Variants in ANKRD65 observed in about 807,000 individuals in gnomAD.
The protein encoded by ANKRD65 is ankyrin repeat domain 65.
A neutral mutation model predicts 17.2 loss-of-function variants in ANKRD65; 26 were observed. The observed-to-expected ratio is 1.51, with a 90% CI of 1.11 to 2.09. The LOEUF (loss-of-function observed/expected upper bound fraction) is 2.09. ANKRD65 is among the 30% of genes most tolerant of loss of function. ANKRD65 has a pLI of 0.00. For synonymous variants in ANKRD65, 311 were observed against 272.2 expected (o/e 1.14, Z -1.40); for missense variants, 621 against 542.2 (o/e 1.15, Z -1.44).
intron 2 of ANKRD65, 79 bp downstream of exon 2, chr1:1,420,718 C>A: frequency 7.0e-7 from 1 of 1,436,358 alleles, no homozygotes; most frequent in South Asian, 1.4e-5. Context: ...AGAAGGGACT[C>A]CTCCACCCAC....
At position 1,420,168 on chromosome 1, in the gene ANKRD65, C is replaced by A. The variant is rs1438101139; in HGVS notation, c.634G>T (p.Ala212Ser). 1 of 1,115,870 alleles carries A rather than the reference C, an allele frequency of 9.0e-7. No homozygotes were observed. The highest frequency in any genetic ancestry group is 3.6e-5 in the South Asian group (1 of 27,864). 69.1% of individuals were successfully genotyped at this position (1,115,870 alleles called of 1,614,324 possible). Reference sequence around the variant, plus strand: ...CGCAGCGCCGCCCCGCGCCCCGCAGCGGCAGCCACGAGCAGGGCGCCGTCC... The same window carrying A: ...CGCAGCGCCGCCCCGCGCCCCGCAGAGGCAGCCACGAGCAGGGCGCCGTCC... ...GLDGALLVAA[A>S]AGRGAALRFL... The change falls in exon 3 of 4, where the codon GCT becomes TCT. Residue 212 changes from alanine (A) to serine (S), a missense_variant. Coordinates refer to ENST00000537107, the MANE Select transcript of ANKRD65 (RefSeq NM_001145210.3).
chr1:1,421,052 TGCCC>T, intron 1 of ANKRD65, 47 bp from the exon 2 acceptor site: 1 of 1,537,316 alleles, frequency 6.5e-7, no homozygotes, highest in Non-Finnish European at 8.8e-7. Context: ...GCCTCTGGCC[TGCCC>T]CCAGCCGTGT....
At position 1,419,246 on chromosome 1, in the gene ANKRD65, C is replaced by A; in HGVS notation, c.1054G>T (p.Gly352Trp). 6.4e-7 allele frequency: 1 copy of A among 1,550,410 alleles called. No individual in the cohort carries two copies. Among genetic ancestry groups the A allele is most frequent in the Non-Finnish European group, 8.7e-7 (1 of 1,146,886 alleles). ...AAERGHGPTV[G>W]LLLSRGASPT... ...CTGGCCCCTCGGCTCAGCAGAAGCC[C>A]CACGGTAGGCCCATGCCCTCGCTCT... The change falls in exon 4 of 4, where the codon GGG becomes TGG. Residue 352 changes from glycine to tryptophan, a missense_variant. Transcript: ENST00000537107.
At position 1,421,021 on chromosome 1, in the gene ANKRD65, G is replaced by A. The variant is rs1645548975; in HGVS notation, c.1-16C>T. The A allele has an allele frequency of 6.5e-7, 1 of 1,549,882 alleles. No homozygotes were observed. Among genetic ancestry groups the A allele is most frequent in the Non-Finnish European group, 8.7e-7 (1 of 1,146,690 alleles). On this transcript the variant is annotated splice_polypyrimidine_tract_variant and intron_variant, in intron 1 of 3. Transcript: ENST00000537107. Reference sequence around the variant, plus strand: ...GGGAGTCCATCTGGGGGGGAGCAGGGATCCTACATCCACTGTGGAGGCCTC... The same window carrying A: ...GGGAGTCCATCTGGGGGGGAGCAGGAATCCTACATCCACTGTGGAGGCCTC...
chr1:1,420,893 A>G lies in ANKRD65; in HGVS notation c.113T>C (p.Val38Ala). The G allele has an allele frequency of 6.4e-7, 1 of 1,550,478 alleles. No homozygotes were observed. Among genetic ancestry groups the G allele is most frequent in the Non-Finnish European group, 8.7e-7 (1 of 1,146,948 alleles). Residue 38 changes from valine (V) to alanine (A), a missense_variant, in exon 2 of 4, where the codon GTT (valine) becomes GCT (alanine). Transcript: ENST00000537107. ...ALGTRTEGPS[V>A]VQGWGHLLQA... ...GAGCAGGTGCCCCCAGCCCTGGACA[A>G]CACTAGGCCCCTCTGTCCTGGTTCC...
At chr1:1,419,733 T>G (rs1645510973) in intron 3 of ANKRD65, among the ~76,000 whole-genome samples, 184 bp from the exon 4 acceptor site, 1 of 152,142 alleles carries the variant, frequency 6.6e-6, no homozygotes, top group Non-Finnish European at 1.5e-5. Flanking sequence ...CTTTTCCCCC[T>G]AAGAGTCCTT....
chr1:1,419,575 C>A, intron 3 of ANKRD65, 26 bp from the exon 4 acceptor site: 1 of 1,495,748 alleles, frequency 6.7e-7, no homozygotes, highest in Non-Finnish European at 8.9e-7. Flanking sequence ...AAAGCAGGGG[C>A]CGGCCTCAGC....
At chr1:1,419,628 A>G in intron 3 of ANKRD65, 79 bp from the exon 4 acceptor site, 1 of 1,331,880 alleles carries the variant, frequency 7.5e-7, no homozygotes, top group Non-Finnish European at 1.0e-6. Context: ...TGCCCAGCCC[A>G]GGCCTCTTCT....
chr1:1,420,086 G>A lies in ANKRD65; in HGVS notation c.716C>T (p.Ala239Val), dbSNP rs1183408461. The A allele has an allele frequency of 7.0e-6, 9 of 1,289,972 alleles. No homozygotes were observed. Among genetic ancestry groups the A allele is most frequent in the Middle Eastern group, 2.9e-4 (1 of 3,416 alleles). The allele number at this position is 1,289,972 out of a possible 1,614,324, so 79.9% of individuals were successfully genotyped here. A position where few individuals can be genotyped will look rare whatever the true frequency, so the allele number is the denominator to read the frequency against. Residue 239 changes from alanine to valine, a missense_variant, in exon 3 of 4, where the codon GCG becomes GTG. Ala to Val is a moderately conservative substitution (Grantham distance 64, BLOSUM62 0). Transcript: ENST00000537107. The stretch of plus-strand genomic sequence containing the variant: ...GCCTAGGGCGGCCGCCAGACCCAGC[G>A]CTGTGGCCCCCGCGCCATCCCGGGC... ...VDARDGAGAT[A>V]LGLAAALGRS... is the part of the protein sequence containing the mutation.
Position 1,419,099 on chromosome 1 carries a change from C to T in ANKRD65, c.*1G>A. The T allele has an allele frequency of 6.7e-7, 1 of 1,488,954 alleles. No homozygotes were observed. Among genetic ancestry groups the T allele is most frequent in the Non-Finnish European group, 9.0e-7 (1 of 1,111,090 alleles). The allele number at this position is 1,488,954 out of a possible 1,614,324, so 92.2% of individuals were successfully genotyped here. ...GTGGAGCCTGGAGCCTGCTGTCTGGCTCAGCCCGTGGACTCTATGCCCTCA... is the reference window on the plus strand; with the variant it reads ...GTGGAGCCTGGAGCCTGCTGTCTGGTTCAGCCCGTGGACTCTATGCCCTCA... On this transcript the variant is annotated 3_prime_UTR_variant, in exon 4 of 4. Coordinates refer to ENST00000537107, the MANE Select transcript of ANKRD65 (RefSeq NM_001145210.3).
rs570670674 is a variant in ANKRD65 at position 1,420,525 on chromosome 1, G to T, written c.277C>A (p.Leu93Met). ...LRGHAPLVRL[L>M]LQRGAPVGAV... ...CCCACCGGGGCCCCTCGCTGCAGCA[G>T]GAGACGCACCAGGGGCGCGTGGCCC... Residue 93 changes from leucine to methionine, a missense_variant, in exon 3 of 4, where the codon CTG becomes ATG. Transcript: ENST00000537107. 219 of 1,289,534 alleles carry T rather than the reference G, an allele frequency of 1.7e-4. No individual in the cohort carries two copies. The East Asian group carries it at 6.3e-3, about 37-fold the overall frequency. 79.9% of individuals were successfully genotyped at this position (1,289,534 alleles called of 1,614,324 possible).
rs1363845933 is a variant in ANKRD65, at chr1:1,420,778, C to A, written c.209+19G>T. On this transcript the variant is annotated intron_variant, in intron 2 of 3. Transcript: ENST00000537107. ...CCCACCCAGAGAAGGGACCCCTTCA[C>A]CCCCCAGCGCAGGTGCACCTCTCCT... 8 of 1,532,594 alleles carry A rather than the reference C, an allele frequency of 5.2e-6. No individual in the cohort carries two copies. Among genetic ancestry groups the A allele is most frequent in the South Asian group, 3.6e-5 (3 of 82,900 alleles). The allele number at this position is 1,532,594 out of a possible 1,614,324, so 94.9% of individuals were successfully genotyped here.
At position 1,418,788 on chromosome 1, in the gene ANKRD65, CTTG is replaced by C. The variant is rs1434767766; in HGVS notation, c.*309_*311del. The C allele has an allele frequency of 1.8e-5, 5 of 283,848 alleles. No individual in the cohort carries two copies. The highest frequency in any genetic ancestry group is 6.5e-5 in the African/African-American group (3 of 45,824). 17.6% of individuals were successfully genotyped at this position (283,848 alleles called of 1,614,324 possible). ...GCCTGCCTGTCTTTGGTTTTACTTCCTTGTTGTTTTTTCTTAAAACAGGTACTG... is the reference window on the plus strand; with the variant it reads ...GCCTGCCTGTCTTTGGTTTTACTTCCTTGTTTTTTCTTAAAACAGGTACTG... On this transcript the variant is annotated 3_prime_UTR_variant, in exon 4 of 4. Coordinates refer to ENST00000537107, the MANE Select transcript of ANKRD65 (RefSeq NM_001145210.3).
intron 1 of ANKRD65, 51 bp downstream of exon 1, chr1:1,421,082 G>A: frequency 7.1e-7 from 1 of 1,410,452 alleles, no homozygotes; most frequent in Admixed American, 2.1e-5. Flanking sequence ...GCCAACTGGA[G>A]CCCCCCATTC....
Position 1,420,327 on chromosome 1 carries a change from G to A in ANKRD65, c.475C>T (p.Leu159=), listed in dbSNP as rs1379576142. The change falls in exon 3 of 4, where the codon CTG becomes TTG. Residue 159 remains leucine, a synonymous_variant. Transcript: ENST00000537107. ...GGTCCCGGGCCCGGAGCCTCCAGCA[G>A]GCGCGCGGCCAGCAGCGTGTGGCCC... The part of the protein sequence containing the change: ...ALGHTLLAAR[L]LEAPGPGPAA... 3 of 1,128,406 alleles carry A rather than the reference G, an allele frequency of 2.7e-6. No homozygotes were observed. The African/African-American group carries it at 5.0e-5, about 19-fold the overall frequency. 69.9% of individuals were successfully genotyped at this position (1,128,406 alleles called of 1,614,324 possible). A position where few individuals can be genotyped will look rare whatever the true frequency, so the allele number is the denominator to read the frequency against.
At chr1:1,420,667 C>A in intron 2 of ANKRD65, 75 bp from the exon 3 acceptor site, 1 of 982,514 alleles carries the variant, frequency 1.0e-6, no homozygotes, top group East Asian at 5.3e-5. Context: ...CCCCGTCCTG[C>A]CGCCCACCCA....
chr1:1,418,959 C>T lies in ANKRD65; in HGVS notation c.*141G>A, dbSNP rs1381038711. ...TCCCTGGTCCAGCCAAGGCCTGTGA[C>T]TGCAGCTCAAGCCACATCCCCTACT... On this transcript the variant is annotated 3_prime_UTR_variant, in exon 4 of 4. Transcript: ENST00000537107. 9.8e-7 allele frequency: 1 copy of T among 1,017,240 alleles called. No homozygotes were observed. Among genetic ancestry groups the T allele is most frequent in the Non-Finnish European group, 1.4e-6 (1 of 714,134 alleles). 63.0% of individuals were successfully genotyped at this position (1,017,240 alleles called of 1,614,324 possible).
rs1293608861 is a variant in ANKRD65, at chr1:1,420,451, G to C, written c.351C>G (p.His117Gln). The change falls in exon 3 of 4, where the codon CAC becomes CAG. Residue 117 changes from histidine to glutamine, a missense_variant. By Grantham distance (24) the His-to-Gln change is conservative (BLOSUM62 0). Coordinates refer to ENST00000537107, the MANE Select transcript of ANKRD65 (RefSeq NM_001145210.3). Reference sequence around the variant, plus strand: ...GCAGCTCGGCCACCCGCGAGTGTCCGTGCCAGGCGGCCTCGTGCAGCGCGG... The same window carrying C: ...GCAGCTCGGCCACCCGCGAGTGTCCCTGCCAGGCGGCCTCGTGCAGCGCGG... ...GRTALHEAAW[H>Q]GHSRVAELLL... 25 of 1,316,940 alleles carry C rather than the reference G, an allele frequency of 1.9e-5. No homozygotes were observed. The Admixed American group carries it at 9.7e-4, about 51-fold the overall frequency. 81.6% of individuals were successfully genotyped at this position (1,316,940 alleles called of 1,614,324 possible).
Position 1,420,967 on chromosome 1 carries a change from C to T in ANKRD65, c.39G>A (p.Glu13=). 6.4e-7 allele frequency: 1 copy of T among 1,550,548 alleles called. No individual in the cohort carries two copies. Among genetic ancestry groups the T allele is most frequent in the East Asian group, 2.4e-5 (1 of 40,926 alleles). ...CCATCCACCGCAGTTCCTGTTCCTC[C>T]TCCTCCTCCTCTCTGGGCTCAGGCC... ...SQRPEPREEE[E]EEQELRWMEL... is the part of the protein sequence containing the mutation. Residue 13 remains glutamate, a synonymous_variant, in exon 2 of 4, where the codon GAG becomes GAA. Transcript: ENST00000537107.
Sources: allele counts gnomAD v4.1 joint callset (sites outside exome capture counted in the v4.1 genomes callset), GRCh38; gene constraint gnomAD v4.1.1; transcripts MANE v1.5; gene names NCBI Gene and HGNC (gene_info 2026-07-23, HGNC 2026-07-21).